The following MAN2A1 variants were observed in gnomAD, a reference collection of about 807,000 sequenced individuals.
MAN2A1 encodes alpha-mannosidase 2.
A neutral mutation model predicts 142.6 loss-of-function variants in MAN2A1; 76 were observed. The ratio of observed to expected loss-of-function variants is 0.53; its 90% CI spans 0.44 to 0.65. The LOEUF is 0.65. Ranked by LOEUF, MAN2A1 falls within the 30% of genes least tolerant of loss-of-function variation. MAN2A1 has a pLI of 0.00. For synonymous variants in MAN2A1, 559 were observed against 473.2 expected, an observed-to-expected ratio of 1.18 and a Z score of -2.35; for missense variants, 1,311 against 1,365.1, an observed-to-expected ratio of 0.96 and a Z score of 0.62.
At chr5:109,835,146 TAC>T (rs1755025408) in intron 16 of MAN2A1, among the ~76,000 whole-genome samples, 1 of 152,236 alleles carries the variant, frequency 6.6e-6, no homozygotes, top group Non-Finnish European at 1.5e-5. Context: ...GGATAAAGTT[TAC>T]AAAAACATCA....
chr5:109,821,472 T>C (rs1317723781), intron 15 of MAN2A1, among the ~76,000 whole-genome samples: 1 of 152,302 alleles, frequency 6.6e-6, no homozygotes, highest in African/African-American at 2.4e-5. Flanking sequence ...GTCTGAAGTC[T>C]TTTAAGGACT....
chr5:109,692,621 T>G (rs932308930), intron 1 of MAN2A1, among the ~76,000 whole-genome samples: 1 of 152,218 alleles, frequency 6.6e-6, no homozygotes, highest in Admixed American at 6.5e-5. Flanking sequence ...GTAGCCTTTG[T>G]AGCCCAGGCT....
At chr5:109,812,138 G>A (rs1163472610) in intron 12 of MAN2A1, among the ~76,000 whole-genome samples, 2 of 152,088 alleles carry the variant, frequency 1.3e-5, no homozygotes, top group Non-Finnish European at 2.9e-5. Flanking sequence ...GTCTGAGCTA[G>A]GTGGTTTTCT....
At position 109,804,362 on chromosome 5, in the gene MAN2A1, T is replaced by A. The variant is rs1478298572; in HGVS notation, c.1944-12911T>A. ...GTAGCGCTTTTTTTAAAATTTTTAT[T>A]TTTTTTAGGCAAGACAATTGTATGT... On this transcript the variant is annotated intron_variant, in intron 12 of 21. Transcript: ENST00000261483. 1.3e-5 allele frequency: 10 copies of A among 786,830 alleles called. No individual in the cohort carries two copies. The African/African-American group carries it at 1.5e-4, about 12-fold the overall frequency. The allele number at this position is 786,830 out of a possible 1,614,324, so 48.7% of individuals were successfully genotyped here. A position where few individuals can be genotyped will look rare whatever the true frequency, so the allele number is the denominator to read the frequency against.
intron 3 of MAN2A1, among the ~76,000 whole-genome samples, chr5:109,719,532 C>A (rs1751545759): frequency 6.6e-6 from 1 of 152,088 alleles, no homozygotes; most frequent in Non-Finnish European, 1.5e-5. Context: ...TTGTATAATA[C>A]TCCTAAATGA....
At chr5:109,709,148 G>A (rs1163786346) in intron 1 of MAN2A1, among the ~76,000 whole-genome samples, 1 of 137,708 alleles carries the variant, frequency 7.3e-6, no homozygotes, top group Admixed American at 7.3e-5. Flanking sequence ...ATCACATGGG[G>A]TTAAGCACAG....
chr5:109,814,897 A>G (rs745662830), intron 12 of MAN2A1, among the ~76,000 whole-genome samples: 4 of 152,186 alleles, frequency 2.6e-5, no homozygotes, highest in Non-Finnish European at 5.9e-5. Flanking sequence ...TGGAGCACCC[A>G]AAGAACATGC....
rs1755918617 is a variant in MAN2A1 at position 109,867,592 on chromosome 5, T to A, written c.*594T>A. 6.6e-6 allele frequency: 1 copy of A among 152,542 alleles called. No individual in the cohort carries two copies. The highest frequency in any genetic ancestry group is 6.5e-5 in the Admixed American group (1 of 15,274). The allele number at this position is 152,542 out of a possible 1,614,324, so 9.4% of individuals were successfully genotyped here. The stretch of plus-strand genomic sequence containing the variant: ...ACCTTCTCCTTCCCTTCCTACCCTT[T>A]CTAAGTATTTCCAGAAATACCTGAT... On this transcript the variant is annotated 3_prime_UTR_variant, in exon 22 of 22. Transcript: ENST00000261483.
chr5:109,842,992 G>A (rs1231366375), intron 17 of MAN2A1, among the ~76,000 whole-genome samples: 1 of 151,836 alleles, frequency 6.6e-6, no homozygotes, highest in East Asian at 1.9e-4. Context: ...TTTTAGCAGA[G>A]ACACGGTTTC....
intron 12 of MAN2A1, among the ~76,000 whole-genome samples, chr5:109,810,362 G>C (rs961596372): frequency 2.0e-5 from 3 of 152,044 alleles, no homozygotes; most frequent in African/African-American, 7.2e-5. Flanking sequence ...AATTGAGACT[G>C]ATTTATTCAA....
chr5:109,823,496 G>T (rs1296133290), intron 15 of MAN2A1, among the ~76,000 whole-genome samples: 2 of 152,174 alleles, frequency 1.3e-5, no homozygotes, highest in African/African-American at 4.8e-5. Context: ...TTCTAGACCA[G>T]TGAAGTTGTA....
chr5:109,691,458 C>G (rs1394080285), intron 1 of MAN2A1, among the ~76,000 whole-genome samples: 1 of 152,184 alleles, frequency 6.6e-6, no homozygotes, highest in Non-Finnish European at 1.5e-5. Flanking sequence ...ACCTGAAGAA[C>G]TCAAACCCTG....
chr5:109,780,445 T>A (rs911654829), intron 8 of MAN2A1, among the ~76,000 whole-genome samples: 1 of 151,910 alleles, frequency 6.6e-6, no homozygotes, highest in Non-Finnish European at 1.5e-5. Context: ...ACATGTCAGA[T>A]AAGTGGTAGA....
chr5:109,804,427 G>A (rs1321961394), intron 12 of MAN2A1: 1 of 284,738 alleles, frequency 3.5e-6, no homozygotes, highest in African/African-American at 2.3e-5. Context: ...TAGGGTTTCA[G>A]ATTTGTTGTA....
At chr5:109,702,848 T>A (rs76684528) in intron 1 of MAN2A1, among the ~76,000 whole-genome samples, 2,832 of 152,356 alleles carry the variant, frequency 0.019, 34 homozygotes, top group Middle Eastern at 0.071. Flanking sequence ...CTTGCCCTTG[T>A]AGACCAGTTG....
intron 12 of MAN2A1, 62 bp from the exon 13 acceptor site, chr5:109,817,211 T>C (rs1754486745): frequency 2.2e-6 from 3 of 1,377,538 alleles, no homozygotes; most frequent in Admixed American, 1.7e-5. Flanking sequence ...TCTACATGTA[T>C]ATGTATATGT....
intron 20 of MAN2A1, among the ~76,000 whole-genome samples, chr5:109,860,570 C>T (rs138390013): frequency 1.3e-3 from 192 of 152,338 alleles, no homozygotes; most frequent in African/African-American, 4.4e-3. Context: ...TGGCCCCTCT[C>T]TTCCCCACAA....
intron 15 of MAN2A1, among the ~76,000 whole-genome samples, chr5:109,822,262 G>A (rs1362382038): frequency 3.3e-5 from 5 of 151,172 alleles, no homozygotes; most frequent in Non-Finnish European, 7.4e-5. Flanking sequence ...CCAAATATGA[G>A]CTGTTTCAGT....
intron 12 of MAN2A1, among the ~76,000 whole-genome samples, chr5:109,792,962 G>A (rs1753772598): frequency 6.6e-6 from 1 of 152,004 alleles, no homozygotes; most frequent in South Asian, 2.1e-4. Flanking sequence ...ACCTAGCTTT[G>A]GAAGTCCTAG....
Sources: gnomAD v4.1 joint callset for allele counts (sites outside exome capture counted in the v4.1 genomes callset) on GRCh38, gnomAD v4.1.1 for gene constraint, MANE v1.5 for transcripts, NCBI Gene and HGNC (gene_info 2026-07-23, HGNC 2026-07-21) for gene names.